The following ATRN variants were observed in gnomAD, a reference collection of about 807,000 sequenced individuals.
The protein encoded by ATRN is attractin.
ATRN carries 54 observed loss-of-function variants against 178.7 expected under a neutral mutation model. That is an observed-to-expected ratio of 0.30 (90% CI 0.24 to 0.38). The LOEUF (loss-of-function observed/expected upper bound fraction) is 0.38. ATRN is among the 10% of genes least tolerant of loss of function. The pLI is 1.00. For missense variants in ATRN, 1,443 were observed against 1,815.1 expected (o/e 0.79, Z 3.73); for synonymous variants, 636 against 663.0 (o/e 0.96, Z 0.63).
At chr20:3,626,930 G>T (rs2146317255) in intron 25 of ATRN, among the ~76,000 whole-genome samples, 1 of 151,992 alleles carries the variant, frequency 6.6e-6, no homozygotes, top group South Asian at 2.1e-4. Flanking sequence ...GGGATTACAG[G>T]CACGTGCCAC....
intron 1 of ATRN, among the ~76,000 whole-genome samples, chr20:3,473,313 G>A (rs1238055061): frequency 1.3e-5 from 2 of 152,174 alleles, no homozygotes; most frequent in South Asian, 2.1e-4. Context: ...CACTGAGGAA[G>A]CGATGTGAAG....
At chr20:3,505,201 AG>A (rs2085024940) in intron 1 of ATRN, among the ~76,000 whole-genome samples, 1 of 152,198 alleles carries the variant, frequency 6.6e-6, no homozygotes, top group Non-Finnish European at 1.5e-5. Context: ...GGGCGTAGAT[AG>A]AACAAAAAGG....
At chr20:3,494,736 T>C (rs1486038968) in intron 1 of ATRN, among the ~76,000 whole-genome samples, 1 of 152,194 alleles carries the variant, frequency 6.6e-6, no homozygotes, top group African/African-American at 2.4e-5. Flanking sequence ...GGTCTAGCCT[T>C]GAGCTGGAAA....
chr20:3,545,621 G>C, intron 3 of ATRN, 141 bp from the exon 4 acceptor site: 1 of 989,446 alleles, frequency 1.0e-6, no homozygotes, highest in Non-Finnish European at 1.5e-6. Context: ...GTAGCACTGT[G>C]TGTTTATCAC....
chr20:3,525,325 T>C (rs1360633974), intron 1 of ATRN, among the ~76,000 whole-genome samples: 1 of 152,024 alleles, frequency 6.6e-6, no homozygotes, highest in Non-Finnish European at 1.5e-5. Context: ...CCTGAACACA[T>C]ACACCCTCCC....
intron 24 of ATRN, among the ~76,000 whole-genome samples, chr20:3,608,221 T>C (rs1210959825): frequency 6.6e-6 from 1 of 152,228 alleles, no homozygotes; most frequent in East Asian, 1.9e-4. Flanking sequence ...TATAATCCCA[T>C]TTGTCGATTT....
intron 1 of ATRN, among the ~76,000 whole-genome samples, chr20:3,529,212 C>T (rs921471126): frequency 6.6e-6 from 1 of 151,784 alleles, no homozygotes; most frequent in Non-Finnish European, 1.5e-5. Flanking sequence ...TCTGATTATA[C>T]CAAATGTGGG....
intron 1 of ATRN, among the ~76,000 whole-genome samples, chr20:3,507,629 A>C (rs1387041914): frequency 6.6e-6 from 1 of 152,014 alleles, no homozygotes; most frequent in Non-Finnish European, 1.5e-5. Flanking sequence ...ACAAACACCA[A>C]ACAGGATGAG....
chr20:3,504,124 A>G (rs117354855), intron 1 of ATRN, among the ~76,000 whole-genome samples: 2,765 of 152,292 alleles, frequency 0.018, 48 homozygotes, highest in Non-Finnish European at 0.029. Context: ...ACAAGACATG[A>G]TATTTTTCAA....
At chr20:3,551,733 T>C (rs2085790145) in intron 6 of ATRN, among the ~76,000 whole-genome samples, 1 of 152,176 alleles carries the variant, frequency 6.6e-6, no homozygotes, top group Non-Finnish European at 1.5e-5. Context: ...TCTGTTTTCA[T>C]TCTCAGTTAA....
At chr20:3,564,822 T>A (rs1193280086) in intron 10 of ATRN, among the ~76,000 whole-genome samples, 1 of 152,168 alleles carries the variant, frequency 6.6e-6, no homozygotes, top group East Asian at 1.9e-4. Flanking sequence ...TCCCAGCACT[T>A]TGGGAGGCCC....
intron 6 of ATRN, among the ~76,000 whole-genome samples, chr20:3,551,189 C>T (rs1305732981): frequency 6.6e-6 from 1 of 152,164 alleles, no homozygotes; most frequent in African/African-American, 2.4e-5. Flanking sequence ...TGCTCTATCC[C>T]CAGGATGTCC....
At chr20:3,519,091 T>C (rs1176216866) in intron 1 of ATRN, among the ~76,000 whole-genome samples, 1 of 151,290 alleles carries the variant, frequency 6.6e-6, no homozygotes, top group Non-Finnish European at 1.5e-5. Context: ...TAGCTGGCCA[T>C]TGTAGCAAGA....
At chr20:3,483,568 G>T (rs891747286) in intron 1 of ATRN, among the ~76,000 whole-genome samples, 3 of 152,122 alleles carry the variant, frequency 2.0e-5, no homozygotes, top group Admixed American at 6.5e-5. Flanking sequence ...GGCTGATCTT[G>T]AACTCCTGGC....
chr20:3,527,275 A>G (rs2146163279), intron 1 of ATRN, among the ~76,000 whole-genome samples: 1 of 152,362 alleles, frequency 6.6e-6, no homozygotes, highest in South Asian at 2.1e-4. Context: ...GGATATGAAC[A>G]GACACTTCTC....
intron 1 of ATRN, among the ~76,000 whole-genome samples, chr20:3,516,271 G>T (rs1484664684): frequency 6.6e-6 from 1 of 152,282 alleles, no homozygotes; most frequent in East Asian, 1.9e-4. Context: ...TGTGAAAAGA[G>T]ACCAAATAGC....
chr20:3,474,208 G>A (rs1421586387), intron 1 of ATRN, among the ~76,000 whole-genome samples: 2 of 152,160 alleles, frequency 1.3e-5, no homozygotes, highest in Non-Finnish European at 2.9e-5. Flanking sequence ...GACACTGGTT[G>A]TCTCAAATAG....
intron 24 of ATRN, among the ~76,000 whole-genome samples, chr20:3,616,304 T>G (rs1190534210): frequency 6.6e-6 from 1 of 152,190 alleles, no homozygotes; most frequent in Non-Finnish European, 1.5e-5. Flanking sequence ...TAAAATTCAT[T>G]CAGCCAGCAG....
chr20:3,559,825 A>G (rs1476412494), intron 7 of ATRN, among the ~76,000 whole-genome samples: 4 of 152,142 alleles, frequency 2.6e-5, no homozygotes, highest in South Asian at 2.1e-4. Context: ...TCATTTCCTC[A>G]TTTTTATAGA....
Sources: gnomAD v4.1 joint callset for allele counts (sites outside exome capture counted in the v4.1 genomes callset) on GRCh38, gnomAD v4.1.1 for gene constraint, MANE v1.5 for transcripts, NCBI Gene and HGNC (gene_info 2026-07-23, HGNC 2026-07-21) for gene names.